KCTD3: variants seen among roughly 807,000 people sequenced by gnomAD.
The protein encoded by KCTD3 is BTB/POZ domain-containing protein KCTD3.
A neutral mutation model predicts 85.8 loss-of-function variants in KCTD3; 41 were observed. The observed-to-expected ratio is 0.48, with a 90% CI of 0.37 to 0.62. The LOEUF is 0.62. Among genes scored for constraint, KCTD3 ranks in the 20% least tolerant of loss-of-function variants. The pLI is 0.00. For synonymous variants in KCTD3, 338 were observed against 345.4 expected (o/e 0.98, Z 0.24); for missense variants, 724 against 989.9 (o/e 0.73, Z 3.60).
intron 13 of KCTD3, among the ~76,000 whole-genome samples, chr1:215,606,753 C>T (rs551320495): frequency 1.4e-4 from 22 of 152,064 alleles, no homozygotes; most frequent in Non-Finnish European, 2.8e-4. Context: ...TGTGTATACT[C>T]AGTTATGTTA....
Position 215,582,438 on chromosome 1 carries a change from G to A in KCTD3, c.626+2439G>A, listed in dbSNP as rs77321280. Among the ~76,000 whole-genome samples the A allele has an allele frequency of 6.0e-3, 908 of 152,276 alleles. 21 individuals are homozygous for A. In the South Asian group the frequency reaches 0.067, roughly 11 times the overall value. On this transcript the variant is annotated intron_variant, in intron 8 of 17. Transcript: ENST00000259154. ...ATAACTAGACGTAACTCTATTCTTC[G>A]CATAGCTGTCTTAACCAGAGGGTTG...
chr1:215,570,110 A>T (rs557742282), intron 1 of KCTD3, among the ~76,000 whole-genome samples: 7 of 152,300 alleles, frequency 4.6e-5, no homozygotes, highest in African/African-American at 1.7e-4. Flanking sequence ...AAAAATCCTG[A>T]TATGATTGCC....
intron 10 of KCTD3, among the ~76,000 whole-genome samples, chr1:215,598,211 G>A (rs1654684615): frequency 6.6e-6 from 1 of 152,044 alleles, no homozygotes; most frequent in South Asian, 2.1e-4. Flanking sequence ...GAAGTTTTAA[G>A]TTTCTCAGTC....
At chr1:215,571,004 C>T (rs537398363) in intron 1 of KCTD3, among the ~76,000 whole-genome samples, 2 of 152,242 alleles carry the variant, frequency 1.3e-5, no homozygotes, top group South Asian at 4.1e-4. Flanking sequence ...GGTCTAATTC[C>T]TTTGCCCAGA....
chr1:215,615,977 C>T (rs1010025576), intron 15 of KCTD3, among the ~76,000 whole-genome samples: 3 of 152,154 alleles, frequency 2.0e-5, no homozygotes, highest in Non-Finnish European at 2.9e-5. Flanking sequence ...GGCAGAACCC[C>T]TCTGTAGTGA....
At chr1:215,588,750 A>C (rs1422281835) in intron 9 of KCTD3, among the ~76,000 whole-genome samples, 1 of 152,214 alleles carries the variant, frequency 6.6e-6, no homozygotes, top group Admixed American at 6.5e-5. Context: ...AGGTCTAGCT[A>C]ATACCAGCTG....
intron 9 of KCTD3, among the ~76,000 whole-genome samples, chr1:215,590,615 A>G (rs1197555728): frequency 6.6e-6 from 1 of 152,134 alleles, no homozygotes; most frequent in Non-Finnish European, 1.5e-5. Flanking sequence ...ACAGTATTCA[A>G]TCTGCAGTTA....
In KCTD3 at chr1:215,567,588, T is replaced by G; in HGVS notation, c.-98T>G. ...CGCCCTCCGGCCGCCGCCGCCCCGCTGGCCCTGCAGCCGTCGCCGCTGCCT... is the reference window on the plus strand; with the variant it reads ...CGCCCTCCGGCCGCCGCCGCCCCGCGGGCCCTGCAGCCGTCGCCGCTGCCT... On this transcript the variant is annotated 5_prime_UTR_variant, in exon 1 of 18. Coordinates refer to ENST00000259154, the MANE Select transcript of KCTD3 (RefSeq NM_016121.5). 1.5e-5 allele frequency: 9 copies of G among 592,140 alleles called. No individual in the cohort carries two copies. Among genetic ancestry groups the G allele is most frequent in the African/African-American group, 2.0e-5 (1 of 50,672 alleles). 36.7% of individuals were successfully genotyped at this position (592,140 alleles called of 1,614,324 possible).
At position 215,619,064 on chromosome 1, in the gene KCTD3, G is replaced by A; in HGVS notation, c.1741G>A (p.Asp581Asn). 1 of 1,611,732 alleles carries A rather than the reference G, an allele frequency of 6.2e-7. No individual in the cohort carries two copies. Among genetic ancestry groups the A allele is most frequent in the Non-Finnish European group, 8.5e-7 (1 of 1,178,992 alleles). The change falls in exon 16 of 18, where the codon GAT (aspartate) becomes AAT (asparagine). Residue 581 changes from aspartate (D) to asparagine (N), a missense_variant. Asp to Asn is a conservative substitution (Grantham distance 23, BLOSUM62 1). Transcript: ENST00000259154. ...TAMDMVNKSE[D>N]KDVGGPTEEE... The stretch of plus-strand genomic sequence containing the variant: ...TATGGATATGGTTAACAAAAGTGAA[G>A]ATAAGGGTAGGTTCTCATACAGAAA...
At chr1:215,569,412 C>G (rs995535065) in intron 1 of KCTD3, among the ~76,000 whole-genome samples, 2 of 152,040 alleles carry the variant, frequency 1.3e-5, no homozygotes, top group Non-Finnish European at 2.9e-5. Flanking sequence ...AGCCACCGCG[C>G]CTGGCCGATA....
intron 15 of KCTD3, among the ~76,000 whole-genome samples, chr1:215,614,556 A>G (rs1655359973): frequency 6.6e-6 from 1 of 152,042 alleles, no homozygotes; most frequent in Non-Finnish European, 1.5e-5. Flanking sequence ...CTGTATTTCT[A>G]GGTATTTTAT....
At chr1:215,587,559 C>CA (rs1292084442) in intron 9 of KCTD3, among the ~76,000 whole-genome samples, 4 of 152,018 alleles carry the variant, frequency 2.6e-5, no homozygotes, top group Non-Finnish European at 4.4e-5. Flanking sequence ...CCTCATTTTC[C>CA]AAAAATGTGT....
chr1:215,589,132 T>C (rs991822320), intron 9 of KCTD3, among the ~76,000 whole-genome samples: 1 of 152,136 alleles, frequency 6.6e-6, no homozygotes, highest in South Asian at 2.1e-4. Flanking sequence ...TTCTTTTTCT[T>C]CTTTTCTTTC....
chr1:215,569,889 C>T (rs1017308389), intron 1 of KCTD3, among the ~76,000 whole-genome samples: 3 of 152,064 alleles, frequency 2.0e-5, no homozygotes, highest in Non-Finnish European at 4.4e-5. Flanking sequence ...TAAAAAACTT[C>T]AGAAAATTGT....
At position 215,567,558 on chromosome 1, in the gene KCTD3, C is replaced by T. The variant is rs928004460; in HGVS notation, c.-128C>T. 1 of 389,922 alleles carries T rather than the reference C, an allele frequency of 2.6e-6. No homozygotes were observed. The allele number at this position is 389,922 out of a possible 1,614,324, so 24.2% of individuals were successfully genotyped here. ...GGGAAGGTGGGGGAAGCCCCGTGCA[C>T]CCCCCGCCCTCCGGCCGCCGCCGCC... On this transcript the variant is annotated 5_prime_UTR_variant, in exon 1 of 18. Coordinates refer to ENST00000259154, the MANE Select transcript of KCTD3 (RefSeq NM_016121.5).
intron 1 of KCTD3, among the ~76,000 whole-genome samples, chr1:215,573,273 C>G (rs977969118): frequency 1.3e-5 from 2 of 151,882 alleles, no homozygotes; most frequent in African/African-American, 2.4e-5. Flanking sequence ...AAGGTAAAAC[C>G]TGAGTGGTAT....
chr1:215,593,419 C>T (rs1660295944), intron 9 of KCTD3, among the ~76,000 whole-genome samples: 1 of 152,158 alleles, frequency 6.6e-6, no homozygotes, highest in Admixed American at 6.5e-5. Flanking sequence ...CATGTATCGT[C>T]TTCTTGCTAG....
In KCTD3 at chr1:215,599,728, C is replaced by T. The variant is rs546356250; in HGVS notation, c.934-2139C>T. Among the ~76,000 whole-genome samples, 7 of 152,064 alleles carry T rather than the reference C, an allele frequency of 4.6e-5. No homozygotes were observed. In the South Asian group the frequency reaches 8.3e-4, roughly 18 times the overall value. ...TTATCCTCTGCTTTCTCTGTTTTCC[C>T]GTATGGAGGGGTAGACATGGAAAGA... is the stretch of plus-strand genomic sequence containing the variant. On this transcript the variant is annotated intron_variant, in intron 10 of 17. Transcript: ENST00000259154.
chr1:215,615,675 T>G (rs922417716), intron 15 of KCTD3, among the ~76,000 whole-genome samples: 7 of 151,974 alleles, frequency 4.6e-5, no homozygotes, highest in African/African-American at 1.5e-4. Flanking sequence ...AAATTATGTT[T>G]GTTTTGTGGA....
Sources: gnomAD v4.1 joint callset for allele counts (sites outside exome capture counted in the v4.1 genomes callset) on GRCh38, gnomAD v4.1.1 for gene constraint, MANE v1.5 for transcripts, NCBI Gene and HGNC (gene_info 2026-07-23, HGNC 2026-07-21) for gene names.